TFE3: variants seen among roughly 807,000 people sequenced by gnomAD.
The protein encoded by TFE3 is transcription factor E3.
A neutral mutation model predicts 35.0 loss-of-function variants in TFE3; 5 were observed. The ratio of observed to expected loss-of-function variants is 0.14; its 90% CI spans 0.07 to 0.30. TFE3 has a LOEUF of 0.30. TFE3 is among the 10% of genes least tolerant of loss of function. TFE3 has a pLI of 1.00. For missense variants in TFE3, 374 were observed against 496.6 expected, an observed-to-expected ratio of 0.75 and a Z score of 2.35; for synonymous variants, 211 against 215.6, an observed-to-expected ratio of 0.98 and a Z score of 0.18.
At chrX:49,032,683 T>G (rs1209829) in intron 8 of TFE3, among the ~76,000 whole-genome samples, 296 of 106,759 alleles carry the variant, frequency 2.8e-3, no homozygotes, top group Non-Finnish European at 3.8e-3. Context: ...CTTTTTTTTT[T>G]TTTGTTTTTG....
In TFE3 at chrX:49,029,834, C is replaced by T. The variant is rs954446708; in HGVS notation, c.*324G>A. Reference sequence around the variant, plus strand: ...CAGGGTCGAGACCTCATCCTGTCTCCTTCCCTCACCTGGGCAAGGATGAGT... The same window carrying T: ...CAGGGTCGAGACCTCATCCTGTCTCTTTCCCTCACCTGGGCAAGGATGAGT... On this transcript the variant is annotated 3_prime_UTR_variant, in exon 10 of 10. Transcript: ENST00000315869. The T allele has an allele frequency of 2.1e-6, 1 of 487,617 alleles. No individual in the cohort carries two copies. Among genetic ancestry groups the T allele is most frequent in the African/African-American group, 2.3e-5 (1 of 44,389 alleles). 40.2% of individuals were successfully genotyped at this position (487,617 alleles called of 1,213,427 possible). A position where few individuals can be genotyped will look rare whatever the true frequency, so the allele number is the denominator to read the frequency against.
rs1386317004 is a variant in TFE3 at position 49,029,597 on chromosome X, G to A, written c.*561C>T. On this transcript the variant is annotated 3_prime_UTR_variant, in exon 10 of 10. Coordinates refer to ENST00000315869, the MANE Select transcript of TFE3 (RefSeq NM_006521.6). Reference sequence around the variant, plus strand: ...GAGAGTTCCCAGGGGAAGGGGCTGGGTCTCATCCTCACTTCTGTTCCTTGC... The same window carrying A: ...GAGAGTTCCCAGGGGAAGGGGCTGGATCTCATCCTCACTTCTGTTCCTTGC... 1.1e-5 allele frequency: 4 copies of A among 363,017 alleles called. No homozygotes were observed. The highest frequency in any genetic ancestry group is 2.1e-5 in the Non-Finnish European group (4 of 188,912). The allele number at this position is 363,017 out of a possible 1,213,427, so 29.9% of individuals were successfully genotyped here. A position where few individuals can be genotyped will look rare whatever the true frequency, so the allele number is the denominator to read the frequency against.
chrX:49,039,544 GCA>G, intron 2 of TFE3, 134 bp from the exon 3 acceptor site: 1 of 720,084 alleles, frequency 1.4e-6, no homozygotes, highest in Non-Finnish European at 1.9e-6. Context: ...CAATGTAGAA[GCA>G]GAGACACAGG....
At chrX:49,038,481 G>A (rs781880655) in intron 3 of TFE3, 39 bp from the exon 4 acceptor site, 1 of 1,180,961 alleles carries the variant, frequency 8.5e-7, no homozygotes, top group Admixed American at 2.3e-5. Context: ...AGGGGACAAG[G>A]CAGAACAGGA....
chrX:49,036,033 T>G (rs1443380711), intron 5 of TFE3, among the ~76,000 whole-genome samples: 1 of 108,024 alleles, frequency 9.3e-6, no homozygotes, highest in Non-Finnish European at 1.9e-5. Flanking sequence ...TAGCCAGGCA[T>G]GGTGACACAA....
Position 49,030,190 on chromosome X carries a change from G to T in TFE3, c.1696C>A (p.Arg566Ser). 8.3e-7 allele frequency: 1 copy of T among 1,205,732 alleles called. No homozygotes were observed. The highest frequency in any genetic ancestry group is 1.1e-6 in the Non-Finnish European group (1 of 892,693). The change falls in exon 10 of 10, where the codon CGC becomes AGC. Residue 566 changes from arginine to serine, a missense_variant. Transcript: ENST00000315869. ...SPAVSKASSR[R>S]SSFSMEEES ...TCCTCTTCCATGCTGAAGCTGCTGC[G>T]GCGGCTGCTGGCCTTGGAGACAGCA...
chrX:49,030,276 G>A lies in TFE3; in HGVS notation c.1610C>T (p.Ser537Leu), dbSNP rs782314136. Residue 537 changes from serine to leucine, a missense_variant, in exon 10 of 10, where the codon TCG (serine) becomes TTG (leucine). Around this residue, in one of 3 missense-constraint regions of TFE3, gnomAD observed 117 missense variants for 111.9 expected, o/e 1.05. Coordinates refer to ENST00000315869, the MANE Select transcript of TFE3 (RefSeq NM_006521.6). ...EEEEGVVGGL[S>L]GGALSPLRAA... Reference sequence around the variant, plus strand: ...CCGCAGTGGGGACAGGGCACCCCCCGACAGTCCTCCCACCACCCCCTCCTC... The same window carrying A: ...CCGCAGTGGGGACAGGGCACCCCCCAACAGTCCTCCCACCACCCCCTCCTC... 4.8e-6 allele frequency: 5 copies of A among 1,042,128 alleles called. No homozygotes were observed. Among genetic ancestry groups the A allele is most frequent in the Middle Eastern group, 2.7e-4 (1 of 3,723 alleles). 85.9% of individuals were successfully genotyped at this position (1,042,128 alleles called of 1,213,427 possible).
In TFE3 at chrX:49,029,942, T is replaced by C; in HGVS notation, c.*216A>G. 1.9e-6 allele frequency: 1 copy of C among 515,813 alleles called. No individual in the cohort carries two copies. 42.5% of individuals were successfully genotyped at this position (515,813 alleles called of 1,213,427 possible). A position where few individuals can be genotyped will look rare whatever the true frequency, so the allele number is the denominator to read the frequency against. On this transcript the variant is annotated 3_prime_UTR_variant, in exon 10 of 10. Transcript: ENST00000315869. ...CTTCTCCAGCCTTCTCCTTCTGAAA[T>C]ACCTGCACTGGGCGGTTCCTTTGGG...
chrX:49,035,590 G>GT (rs1163160225), intron 5 of TFE3, among the ~76,000 whole-genome samples: 3 of 103,710 alleles, frequency 2.9e-5, no homozygotes, highest in Non-Finnish European at 5.9e-5. Flanking sequence ...CGTATTTTTA[G>GT]TAGAGACGGG....
intron 9 of TFE3, among the ~76,000 whole-genome samples, chrX:49,030,973 T>C (rs2904112): frequency 0.036 from 3,995 of 110,568 alleles, 192 homozygotes; most frequent in African/African-American, 0.12. Flanking sequence ...TAATCCTAGC[T>C]ACTCAGGAGG....
chrX:49,039,464 C>T (rs1170038142), intron 2 of TFE3, 54 bp from the exon 3 acceptor site: 2 of 1,105,889 alleles, frequency 1.8e-6, no homozygotes, highest in African/African-American at 3.7e-5. Context: ...AGTCTCATCC[C>T]AAGCCTAAAG....
At chrX:49,043,035 C>A in intron 1 of TFE3, 76 bp downstream of exon 1, 2 of 915,878 alleles carry the variant, frequency 2.2e-6, no homozygotes, top group Non-Finnish European at 1.5e-6. Flanking sequence ...CAATCCCAGT[C>A]CGGGGCCCCC....
intron 9 of TFE3, among the ~76,000 whole-genome samples, chrX:49,031,016 C>T (rs1418163438): frequency 1.8e-5 from 2 of 110,237 alleles, no homozygotes; most frequent in East Asian, 2.9e-4. Flanking sequence ...ACCCGGGAGG[C>T]GGAGGTTGCG....
chrX:49,033,693 G>A (rs781863465), intron 7 of TFE3, 33 bp downstream of exon 7: 1 of 1,208,453 alleles, frequency 8.3e-7, no homozygotes, highest in Admixed American at 2.2e-5. Flanking sequence ...GGCCTGCACA[G>A]CACCCGGGCA....
chrX:49,042,475 A>T (rs1402526057), intron 1 of TFE3, among the ~76,000 whole-genome samples: 1 of 111,407 alleles, frequency 9.0e-6, no homozygotes, highest in East Asian at 2.8e-4. Flanking sequence ...AGGCGGGCAG[A>T]GGGGAAAGGA....
At chrX:49,030,697 T>C in intron 9 of TFE3, 96 bp from the exon 10 acceptor site, 1 of 753,885 alleles carries the variant, frequency 1.3e-6, no homozygotes. Flanking sequence ...TTCCCTGGGT[T>C]GGAATTCAGC....
chrX:49,040,501 C>A lies in TFE3; in HGVS notation c.184G>T (p.Asp62Tyr). ...DIELENVLDP[D>Y]SFYELKSQPL... ...TGGCTTTTGAGCTCGTAGAAGCTGT[C>A]AGGATCAAGGACGTTTTCTAATTCT... Residue 62 changes from aspartate to tyrosine, a missense_variant, in exon 2 of 10, where the codon GAC (aspartate) becomes TAC (tyrosine). Around this residue, in one of 3 missense-constraint regions of TFE3, gnomAD observed 90 missense variants for 87.5 expected, o/e 1.03. Coordinates refer to ENST00000315869, the MANE Select transcript of TFE3 (RefSeq NM_006521.6). 2 of 1,211,184 alleles carry A rather than the reference C, an allele frequency of 1.7e-6. No homozygotes were observed. The highest frequency in any genetic ancestry group is 2.2e-6 in the Non-Finnish European group (2 of 895,306).
intron 1 of TFE3, among the ~76,000 whole-genome samples, chrX:49,042,331 A>T (rs1331763337): frequency 9.0e-6 from 1 of 111,386 alleles, no homozygotes; most frequent in Non-Finnish European, 1.9e-5. Flanking sequence ...CTGGGTTCCC[A>T]AACAAGGTCT....
rs782376412 is a variant in TFE3 at position 49,030,296 on chromosome X, C to G, written c.1590G>C (p.Glu530Asp). The G allele has an allele frequency of 8.3e-7, 1 of 1,200,488 alleles. No individual in the cohort carries two copies. The highest frequency in any genetic ancestry group is 1.8e-5 in the South Asian group (1 of 56,254). Residue 530 changes from glutamate (E) to aspartate (D), a missense_variant, in exon 10 of 10, where the codon GAG becomes GAC. Transcript: ENST00000315869. Reference protein sequence around the residue: ...GLEDILMEEEEGVVGGLSGGA... With the variant: ...GLEDILMEEEDGVVGGLSGGA... ...CCCCCGACAGTCCTCCCACCACCCCCTCCTCCTCCTCCATCAGAATGTCCT... is the reference window on the plus strand; with the variant it reads ...CCCCCGACAGTCCTCCCACCACCCCGTCCTCCTCCTCCATCAGAATGTCCT...
Sources: allele counts gnomAD v4.1 joint callset (sites outside exome capture counted in the v4.1 genomes callset), GRCh38; gene constraint gnomAD v4.1.1; regional missense constraint gnomAD v4.1.1; transcripts MANE v1.5; gene names NCBI Gene and HGNC (gene_info 2026-07-23, HGNC 2026-07-21).